The following CFAP46 variants were observed in gnomAD, a reference collection of about 807,000 sequenced individuals.
CFAP46 encodes the protein cilia and flagella associated protein 46, also known as cilia- and flagella-associated protein 46.
In CFAP46, 245 loss-of-function variants were observed where a neutral mutation model predicts 325.7. That is an observed-to-expected ratio of 0.75 (90% confidence interval 0.68 to 0.84). CFAP46 has a LOEUF of 0.84. Ranked by LOEUF, CFAP46 falls within the 40% of genes least tolerant of loss-of-function variation. The pLI, the probability that CFAP46 is intolerant of heterozygous loss-of-function variation, is 0.00. For missense variants in CFAP46, 3,346 were observed against 3,543.0 expected, an observed-to-expected ratio of 0.94 and a Z score of 1.41; for synonymous variants, 1,523 against 1,495.9, an observed-to-expected ratio of 1.02 and a Z score of -0.42.
At chr10:132,905,450 CTT>C (rs71013581) in intron 22 of CFAP46, among the ~76,000 whole-genome samples, 52 of 130,006 alleles carry the variant, frequency 4.0e-4, no homozygotes, top group African/African-American at 4.4e-4. Flanking sequence ...CATATCTTTC[CTT>C]TTTTTTTTTT....
At position 132,847,527 on chromosome 10, in the gene CFAP46, C is replaced by A. The variant is rs1309434286; in HGVS notation, c.5953-206G>T. Among the ~76,000 whole-genome samples the A allele has an allele frequency of 6.6e-6, 1 of 151,952 alleles. No individual in the cohort carries two copies. Among genetic ancestry groups the A allele is most frequent in the Non-Finnish European group, 1.5e-5 (1 of 67,968 alleles). ...GGTGGCCCTGACCCGTGAGCCTGGG[C>A]AAGGGGACGCTGGAGCCTGGGCGAG... is the stretch of plus-strand genomic sequence containing the variant. On this transcript the variant is annotated intron_variant, in intron 41 of 57. Transcript: ENST00000368586. The surrounding 1 kb of genome is among the most constrained non-coding windows in gnomAD (Gnocchi z 5.2).
At chr10:132,814,290 T>C in intron 53 of CFAP46, 36 bp from the exon 54 acceptor site, 1 of 1,548,934 alleles carries the variant, frequency 6.5e-7, no homozygotes, top group Non-Finnish European at 8.9e-7. Context: ...GACCACGGTG[T>C]TTCATCAGAC....
chr10:132,892,208 G>A, intron 25 of CFAP46, 125 bp downstream of exon 25: 1 of 779,808 alleles, frequency 1.3e-6, no homozygotes, highest in Non-Finnish European at 2.1e-6. Context: ...GACATTATCT[G>A]GAGTTACTGC....
At chr10:132,840,545 C>T (rs776165512) in intron 44 of CFAP46, among the ~76,000 whole-genome samples, 2 of 151,780 alleles carry the variant, frequency 1.3e-5, no homozygotes, top group Non-Finnish European at 2.9e-5. Context: ...TTCTGGCTTT[C>T]TTCTTGTATG....
At chr10:132,899,247 G>T in intron 23 of CFAP46, 126 bp from the exon 24 acceptor site, 1 of 1,113,242 alleles carries the variant, frequency 9.0e-7, no homozygotes, top group African/African-American at 1.6e-5. Flanking sequence ...TGGGCATGTG[G>T]CTTGCTCAGG....
intron 8 of CFAP46, 49 bp downstream of exon 8, chr10:132,934,703 T>C (rs757481573): frequency 1.6e-6 from 2 of 1,272,986 alleles, no homozygotes; most frequent in South Asian, 2.5e-5. Flanking sequence ...CTGCTAAATT[T>C]TGTACAACGA....
At chr10:132,941,215 G>A (rs1564807866) in intron 3 of CFAP46, among the ~76,000 whole-genome samples, 155 bp from the exon 4 acceptor site, 2 of 152,212 alleles carry the variant, frequency 1.3e-5, no homozygotes, top group Non-Finnish European at 2.9e-5. Flanking sequence ...CAGCCTGAGT[G>A]TCGTGGCGAG....
chr10:132,917,251 C>T (rs1849654521), intron 16 of CFAP46, among the ~76,000 whole-genome samples: 1 of 152,270 alleles, frequency 6.6e-6, no homozygotes, highest in Admixed American at 6.5e-5. Flanking sequence ...CCCTGTCCTC[C>T]AGGGCTGATG....
chr10:132,863,573 A>G (rs1848754600), intron 35 of CFAP46, among the ~76,000 whole-genome samples: 1 of 145,452 alleles, frequency 6.9e-6, no homozygotes, highest in Non-Finnish European at 1.5e-5. Flanking sequence ...ACCTGCATAC[A>G]CCTCTCCTCA....
intron 55 of CFAP46, among the ~76,000 whole-genome samples, chr10:132,812,374 G>A (rs1436959860): frequency 6.6e-6 from 1 of 152,196 alleles, no homozygotes; most frequent in Non-Finnish European, 1.5e-5. Flanking sequence ...GAAGGGGAAG[G>A]CGAGGTCCCG....
At chr10:132,875,602 G>C (rs1591066420) in intron 31 of CFAP46, among the ~76,000 whole-genome samples, 1 of 152,170 alleles carries the variant, frequency 6.6e-6, no homozygotes. Flanking sequence ...CTCATGCCCA[G>C]TGCAGCCAGC....
In CFAP46 at chr10:132,906,957, G is replaced by A. The variant is rs117983349; in HGVS notation, c.2924+1511C>T. On this transcript the variant is annotated intron_variant, in intron 22 of 57. Coordinates refer to ENST00000368586, the MANE Select transcript of CFAP46 (RefSeq NM_001200049.3). ...ACATGGTATCCAGTCCTGAGCACTG[G>A]CCTGCTTGTGCCTCTGAGCACCCAG... Among the ~76,000 whole-genome samples the A allele has an allele frequency of 2.4e-4, 37 of 152,376 alleles. 1 individual carries two copies. In the East Asian group the frequency reaches 7.1e-3, roughly 29 times the overall value.
intron 35 of CFAP46, among the ~76,000 whole-genome samples, chr10:132,864,380 T>C (rs866873791): frequency 2.0e-4 from 17 of 86,608 alleles, no homozygotes; most frequent in South Asian, 5.1e-4. Context: ...CCCCAGTGCC[T>C]GAGACCTGCA....
chr10:132,872,527 T>G (rs1400488336), intron 32 of CFAP46, 149 bp downstream of exon 32: 17 of 1,017,368 alleles, frequency 1.7e-5, no homozygotes, highest in African/African-American at 8.1e-5. Context: ...AAATACCATT[T>G]TCATATTCAA....
intron 50 of CFAP46, among the ~76,000 whole-genome samples, chr10:132,824,773 A>G (rs1305049513): frequency 7.6e-5 from 6 of 79,308 alleles, no homozygotes; most frequent in East Asian, 4.1e-4. Flanking sequence ...TGTGTGCTGT[A>G]TGTTGTGTGA....
At chr10:132,851,677 G>T (rs1038288871) in intron 39 of CFAP46, among the ~76,000 whole-genome samples, 4 of 152,202 alleles carry the variant, frequency 2.6e-5, no homozygotes, top group African/African-American at 9.7e-5. Context: ...TCCCCCACGC[G>T]GCTGCACGCA....
chr10:132,844,688 G>A (rs73391250), intron 44 of CFAP46, among the ~76,000 whole-genome samples: 10,531 of 152,176 alleles, frequency 0.069, 904 homozygotes, highest in African/African-American at 0.2. Context: ...ACACACTGGT[G>A]TCCTTGGTCC....
chr10:132,920,852 C>T (rs764159946), intron 13 of CFAP46, among the ~76,000 whole-genome samples: 1 of 152,258 alleles, frequency 6.6e-6, no homozygotes, highest in South Asian at 2.1e-4. Context: ...CCACAGCCAG[C>T]AGTGGACATG....
intron 50 of CFAP46, among the ~76,000 whole-genome samples, chr10:132,821,932 ATG>A (rs1391621655): frequency 1.1e-5 from 1 of 88,486 alleles, no homozygotes; most frequent in African/African-American, 4.8e-5. Flanking sequence ...GTGTGCGCTG[ATG>A]TGTGCTGTGT....
Sources: gnomAD v4.1 joint callset for allele counts (sites outside exome capture counted in the v4.1 genomes callset) on GRCh38, gnomAD v4.1.1 for gene constraint, Gnocchi (gnomAD v3.1) non-coding constraint, MANE v1.5 for transcripts, NCBI Gene and HGNC (gene_info 2026-07-23, HGNC 2026-07-21) for gene names.